CNNM2: variants seen among roughly 807,000 people sequenced by gnomAD.
CNNM2 encodes the protein metal transporter CNNM2.
A neutral mutation model predicts 66.9 loss-of-function variants in CNNM2; 12 were observed. That is an observed-to-expected ratio of 0.18 (90% confidence interval 0.11 to 0.29). The LOEUF is 0.29. Ranked by LOEUF, CNNM2 falls within the 10% of genes least tolerant of loss-of-function variation. The pLI is 1.00. For synonymous variants in CNNM2, 557 were observed against 501.8 expected (o/e 1.11, Z -1.47); for missense variants, 705 against 1,167.7 (o/e 0.60, Z 5.77).
chr10:103,062,673 C>T (rs1157799233), intron 4 of CNNM2, among the ~76,000 whole-genome samples: 1 of 152,174 alleles, frequency 6.6e-6, no homozygotes, highest in African/African-American at 2.4e-5. Flanking sequence ...GGGCTGCTGC[C>T]CTGCGAGCTC....
chr10:102,984,431 C>T (rs2063764145), intron 1 of CNNM2, among the ~76,000 whole-genome samples: 1 of 152,102 alleles, frequency 6.6e-6, no homozygotes, highest in African/African-American at 2.4e-5. Context: ...GAGAAATAAT[C>T]AGAAATAATT....
chr10:103,069,960 G>T (rs997790293), intron 5 of CNNM2, among the ~76,000 whole-genome samples: 2 of 152,200 alleles, frequency 1.3e-5, no homozygotes, highest in Non-Finnish European at 2.9e-5. Context: ...GGTCTTCATC[G>T]ACTGCTCCAC....
intron 7 of CNNM2, among the ~76,000 whole-genome samples, chr10:103,076,627 C>T (rs1018299198): frequency 7.2e-5 from 11 of 152,170 alleles, no homozygotes; most frequent in South Asian, 2.1e-4. Context: ...TGGAGGGTTG[C>T]GGGGAAGGCT....
At chr10:103,063,390 A>G (rs2065421934) in intron 4 of CNNM2, among the ~76,000 whole-genome samples, 1 of 152,182 alleles carries the variant, frequency 6.6e-6, no homozygotes, top group Non-Finnish European at 1.5e-5. Context: ...TGGCGATTTA[A>G]AAAACAAGAA....
intron 1 of CNNM2, among the ~76,000 whole-genome samples, chr10:102,956,220 G>A (rs1402614978): frequency 3.3e-5 from 5 of 150,546 alleles, no homozygotes; most frequent in African/African-American, 4.9e-5. Flanking sequence ...CCCAGGAGGC[G>A]GAGCCTGCAG....
At position 102,942,228 on chromosome 10, in the gene CNNM2, T is replaced by TAGTATTA. The variant is rs527914647; in HGVS notation, c.1621+22132_1621+22138dup. Among the ~76,000 whole-genome samples the TAGTATTA allele has an allele frequency of 1.0e-3, 156 of 152,328 alleles. 1 individual carries two copies. The highest frequency in any genetic ancestry group is 3.7e-3 in the African/African-American group (153 of 41,574). On this transcript the variant is annotated intron_variant, in intron 1 of 7. Transcript: ENST00000369878. ...TAACCATCTCAAGTATACGATTCAG[T>TAGTATTA]AGTATTAAGTACATTCACATGGTGT... is the stretch of plus-strand genomic sequence containing the variant.
rs886046673 is a variant in CNNM2, at chr10:103,077,385, G to A, written c.*205G>A. ...AACGAGAGATGTGAAGTTGGCAGCC[G>A]GGGCATGGCGTTCAAGATTTTGGAG... On this transcript the variant is annotated 3_prime_UTR_variant, in exon 8 of 8. Coordinates refer to ENST00000369878, the MANE Select transcript of CNNM2 (RefSeq NM_017649.5). 11 of 535,840 alleles carry A rather than the reference G, an allele frequency of 2.1e-5. No individual in the cohort carries two copies. Among genetic ancestry groups the A allele is most frequent in the Admixed American group, 3.2e-5 (1 of 31,334 alleles). The allele number at this position is 535,840 out of a possible 1,614,324, so 33.2% of individuals were successfully genotyped here.
intron 1 of CNNM2, among the ~76,000 whole-genome samples, chr10:103,025,080 C>G (rs2064673510): frequency 1.3e-5 from 2 of 151,976 alleles, no homozygotes. Flanking sequence ...TGGCTCCGTT[C>G]TATTTTATTT....
chr10:103,044,906 C>T (rs142190370), intron 1 of CNNM2, among the ~76,000 whole-genome samples: 130 of 152,294 alleles, frequency 8.5e-4, no homozygotes, highest in African/African-American at 2.9e-3. Flanking sequence ...CCAAATCTGT[C>T]GGTGCTATTG....
intron 1 of CNNM2, among the ~76,000 whole-genome samples, chr10:103,023,931 A>G (rs771341471): frequency 1.3e-5 from 2 of 152,236 alleles, no homozygotes; most frequent in African/African-American, 2.4e-5. Flanking sequence ...GAACCATTTC[A>G]AAGAAAGTTA....
chr10:103,089,486 CAG>C lies in CNNM2; in HGVS notation c.*12311_*12312del, dbSNP rs2066143793. The C allele has an allele frequency of 8.6e-6, 9 of 1,048,018 alleles. No individual in the cohort carries two copies. The East Asian group carries it at 1.4e-4, about 17-fold the overall frequency. 64.9% of individuals were successfully genotyped at this position (1,048,018 alleles called of 1,614,324 possible). On this transcript the variant is annotated 3_prime_UTR_variant, in exon 8 of 8. Transcript: ENST00000369878. The stretch of plus-strand genomic sequence containing the variant: ...CTCCATTACAATTTTGGACCATCTG[CAG>C]AGAGTACAGATACACAAAACCAAAA...
chr10:103,060,599 TAA>T (rs1317801566), intron 4 of CNNM2, among the ~76,000 whole-genome samples: 1 of 152,192 alleles, frequency 6.6e-6, no homozygotes, highest in Non-Finnish European at 1.5e-5. Flanking sequence ...TAAAAAATAC[TAA>T]GTCATGTTAA....
Position 103,077,413 on chromosome 10 carries a change from G to T in CNNM2, c.*233G>T, listed in dbSNP as rs1326665680. 15 of 505,884 alleles carry T rather than the reference G, an allele frequency of 3.0e-5. No individual in the cohort carries two copies. The East Asian group carries it at 4.2e-4, about 14-fold the overall frequency. 31.3% of individuals were successfully genotyped at this position (505,884 alleles called of 1,614,324 possible). On this transcript the variant is annotated 3_prime_UTR_variant, in exon 8 of 8. Coordinates refer to ENST00000369878, the MANE Select transcript of CNNM2 (RefSeq NM_017649.5). ...GCATGGCGTTCAAGATTTTGGAGAT[G>T]AACTGATTCCGCCCAAATAGAATCA...
chr10:102,963,184 A>G (rs1052415942), intron 1 of CNNM2, among the ~76,000 whole-genome samples: 1 of 152,210 alleles, frequency 6.6e-6, no homozygotes, highest in African/African-American at 2.4e-5. Context: ...AATAAGTGAT[A>G]TGAGTAAGTA....
intron 1 of CNNM2, among the ~76,000 whole-genome samples, chr10:103,048,873 T>C (rs1438743555): frequency 6.6e-6 from 1 of 152,146 alleles, no homozygotes; most frequent in South Asian, 2.1e-4. Context: ...GACTTTTTTT[T>C]AAGACAGTGT....
At chr10:103,055,216 G>A (rs1369750149) in intron 3 of CNNM2, among the ~76,000 whole-genome samples, 1 of 152,198 alleles carries the variant, frequency 6.6e-6, no homozygotes, top group Admixed American at 6.5e-5. Context: ...CAGGGGAAGT[G>A]TGAGAAAGTC....
intron 4 of CNNM2, among the ~76,000 whole-genome samples, chr10:103,064,659 T>C (rs566856800): frequency 6.6e-6 from 1 of 152,212 alleles, no homozygotes; most frequent in Non-Finnish European, 1.5e-5. Flanking sequence ...GGAAACATAG[T>C]GAGACCCCGT....
intron 1 of CNNM2, among the ~76,000 whole-genome samples, chr10:103,004,605 C>T (rs1207347056): frequency 6.6e-6 from 1 of 152,172 alleles, no homozygotes; most frequent in Non-Finnish European, 1.5e-5. Context: ...GTTGGACTGG[C>T]TGTGGACCAC....
intron 1 of CNNM2, among the ~76,000 whole-genome samples, chr10:103,035,518 A>T (rs929832213): frequency 6.6e-6 from 1 of 152,230 alleles, no homozygotes; most frequent in Admixed American, 6.5e-5. Flanking sequence ...GAGTCTTTAA[A>T]TACTCAGAGA....
Sources: gnomAD v4.1 joint callset for allele counts (sites outside exome capture counted in the v4.1 genomes callset) on GRCh38, gnomAD v4.1.1 for gene constraint, MANE v1.5 for transcripts, NCBI Gene and HGNC (gene_info 2026-07-23, HGNC 2026-07-21) for gene names.